PCDHGA7: variants seen among roughly 807,000 people sequenced by gnomAD.
PCDHGA7 encodes the protein protocadherin gamma subfamily A, 7, also known as protocadherin gamma-A7.
A neutral mutation model predicts 58.3 loss-of-function variants in PCDHGA7; 44 were observed. That is an observed-to-expected ratio of 0.75 (90% CI 0.59 to 0.97). The LOEUF (loss-of-function observed/expected upper bound fraction) is 0.97, where lower values mean the gene tolerates loss of function less well. Among genes scored for constraint, PCDHGA7 ranks in the 50% least tolerant of loss-of-function variants. The pLI is 0.00. For missense variants in PCDHGA7, 1,266 were observed against 1,188.7 expected, an observed-to-expected ratio of 1.06 and a Z score of -0.96; for synonymous variants, 516 against 504.2, an observed-to-expected ratio of 1.02 and a Z score of -0.31.
chr5:141,421,784 G>C, intron 1 of PCDHGA7: 1 of 1,613,874 alleles, frequency 6.2e-7, no homozygotes, highest in Non-Finnish European at 8.5e-7. Context: ...CTGCGGGGCA[G>C]AACGGATGGG....
chr5:141,420,311 T>G (rs762191274), intron 1 of PCDHGA7: 1 of 1,454,814 alleles, frequency 6.9e-7, no homozygotes, highest in Non-Finnish European at 9.3e-7. Flanking sequence ...CTTTTTATAT[T>G]ACAATATGCC....
chr5:141,471,564 T>C (rs1352708320), intron 1 of PCDHGA7: 1 of 152,184 alleles, frequency 6.6e-6, no homozygotes, highest in African/African-American at 2.4e-5. Context: ...GACTCAGGGG[T>C]AGCAGTAGAT....
In PCDHGA7 at chr5:141,481,831, G is replaced by A. The variant is rs35816779; in HGVS notation, c.2425-12976G>A. On this transcript the variant is annotated intron_variant, in intron 1 of 3. Coordinates refer to ENST00000518325, the MANE Select transcript of PCDHGA7 (RefSeq NM_018920.4). ...ACCAGGCGTGGTGGCTGAGGCAGGAGAATCGCTTGATGGTGGAGGTTGCAG... is the reference window on the plus strand; with the variant it reads ...ACCAGGCGTGGTGGCTGAGGCAGGAAAATCGCTTGATGGTGGAGGTTGCAG... Among the ~76,000 whole-genome samples the A allele has an allele frequency of 1.9e-3, 280 of 149,560 alleles. 1 individual carries two copies. The highest frequency in any genetic ancestry group is 0.01 in the Middle Eastern group (3 of 290).
chr5:141,397,919 C>G (rs1158998805), intron 1 of PCDHGA7: 2 of 723,460 alleles, frequency 2.8e-6, no homozygotes, highest in East Asian at 5.5e-5. Flanking sequence ...TCCAGATCTC[C>G]TCGCGCAGCC....
At position 141,432,963 on chromosome 5, in the gene PCDHGA7, C is replaced by T. The variant is rs1382354299; in HGVS notation, c.2424+47640C>T. 1.5e-5 allele frequency: 24 copies of T among 1,614,046 alleles called. 1 individual carries two copies. In the South Asian group the frequency reaches 2.3e-4, roughly 16 times the overall value. On this transcript the variant is annotated intron_variant, in intron 1 of 3. Transcript: ENST00000518325. The surrounding 1 kb of genome is among the most constrained non-coding windows in gnomAD (Gnocchi z 6.0). ...GCTTCAGGAGGCGGCTTGACAGGAG[C>T]GCCGGCGTCGCACTTTGTGGGCGTG...
At chr5:141,455,537 A>G (rs1158681837) in intron 1 of PCDHGA7, among the ~76,000 whole-genome samples, 2 of 152,162 alleles carry the variant, frequency 1.3e-5, no homozygotes, top group Non-Finnish European at 2.9e-5. Flanking sequence ...CAGGCATATC[A>G]TTCACGTAGC....
At chr5:141,429,297 T>C (rs985228754) in intron 1 of PCDHGA7, 7 of 152,208 alleles carry the variant, frequency 4.6e-5, no homozygotes, top group Admixed American at 3.3e-4. Flanking sequence ...GGGACATCAA[T>C]ATTTGAGTAT....
Position 141,487,925 on chromosome 5 carries a change from C to T in PCDHGA7, c.2425-6882C>T. 4.8e-6 allele frequency: 3 copies of T among 629,734 alleles called. No homozygotes were observed. The highest frequency in any genetic ancestry group is 8.3e-6 in the Non-Finnish European group (3 of 362,440). 39.0% of individuals were successfully genotyped at this position (629,734 alleles called of 1,614,324 possible). On this transcript the variant is annotated intron_variant, in intron 1 of 3. Coordinates refer to ENST00000518325, the MANE Select transcript of PCDHGA7 (RefSeq NM_018920.4). The surrounding 1 kb of genome is among the most constrained non-coding windows in gnomAD (Gnocchi z 5.0). ...TGTGGGAGCACAGGAGGCTACAGTGCACAGGGTACAGTGCACCAGGCAGTC... is the reference window on the plus strand; with the variant it reads ...TGTGGGAGCACAGGAGGCTACAGTGTACAGGGTACAGTGCACCAGGCAGTC...
chr5:141,420,488 A>C, intron 1 of PCDHGA7: 1 of 534,916 alleles, frequency 1.9e-6, no homozygotes, highest in East Asian at 3.8e-5. Context: ...CTACATGGGT[A>C]ATCTCCGGTG....
In PCDHGA7 at chr5:141,421,516, T is replaced by G. The variant is rs199973694; in HGVS notation, c.2424+36193T>G. On this transcript the variant is annotated intron_variant, in intron 1 of 3. Transcript: ENST00000518325. Reference sequence around the variant, plus strand: ...AGGCAGGATAGACCGGGAGGAGCTCTGTGAGACGGTGTCCTCCTGTTTTTT... The same window carrying G: ...AGGCAGGATAGACCGGGAGGAGCTCGGTGAGACGGTGTCCTCCTGTTTTTT... 1.4e-5 allele frequency: 22 copies of G among 1,614,064 alleles called. No homozygotes were observed. The East Asian group carries it at 4.9e-4, about 36-fold the overall frequency.
Position 141,486,734 on chromosome 5 carries a change from C to A in PCDHGA7, c.2425-8073C>A. ...CCAGACAGGAGCTGTTCATGCTACT[C>A]GATCCTTTGACTATGAGCAAACCCA... On this transcript the variant is annotated intron_variant, in intron 1 of 3. Transcript: ENST00000518325. The surrounding 1 kb of genome is among the most constrained non-coding windows in gnomAD (Gnocchi z 5.0). The A allele has an allele frequency of 1.2e-6, 2 of 1,614,188 alleles. No homozygotes were observed. Among genetic ancestry groups the A allele is most frequent in the Non-Finnish European group, 1.7e-6 (2 of 1,180,040 alleles).
chr5:141,491,006 T>C lies in PCDHGA7; in HGVS notation c.2425-3801T>C. The C allele has an allele frequency of 6.2e-7, 1 of 1,614,062 alleles. No homozygotes were observed. Among genetic ancestry groups the C allele is most frequent in the Non-Finnish European group, 8.5e-7 (1 of 1,180,028 alleles). ...CGCTCTGCTCCTCCTGGCTCCTTGG[T>C]CACCAAGGTGACAGCCGTGGATGCT... On this transcript the variant is annotated intron_variant, in intron 1 of 3. Transcript: ENST00000518325. This position sits in a 1 kb window ranked among gnomAD's most constrained non-coding sequence, Gnocchi z 6.9.
At chr5:141,478,717 C>T (rs1381812771) in intron 1 of PCDHGA7, 1 of 1,545,032 alleles carries the variant, frequency 6.5e-7, no homozygotes, top group South Asian at 1.2e-5. Context: ...GAGATGGTGG[C>T]CTGCCAGAGT....
intron 1 of PCDHGA7, among the ~76,000 whole-genome samples, chr5:141,438,370 A>G (rs2097956460): frequency 1.3e-5 from 2 of 152,004 alleles, no homozygotes; most frequent in South Asian, 4.2e-4. Context: ...CATTGAGGGC[A>G]GATATAATTT....
chr5:141,476,158 G>A lies in PCDHGA7; in HGVS notation c.2425-18649G>A. 2 of 1,612,868 alleles carry A rather than the reference G, an allele frequency of 1.2e-6. No homozygotes were observed. Among genetic ancestry groups the A allele is most frequent in the Non-Finnish European group, 1.7e-6 (2 of 1,179,894 alleles). On this transcript the variant is annotated intron_variant, in intron 1 of 3. Transcript: ENST00000518325. The surrounding 1 kb of genome is among the most constrained non-coding windows in gnomAD (Gnocchi z 7.6). ...GGAGGAGCGGACTGGTAAGCACCGGGAGGGTAGTGGGAGTTTTGCTTCTGC... is the reference window on the plus strand; with the variant it reads ...GGAGGAGCGGACTGGTAAGCACCGGAAGGGTAGTGGGAGTTTTGCTTCTGC...
In PCDHGA7 at chr5:141,392,850, C is replaced by T. The variant is rs752526573; in HGVS notation, c.2424+7527C>T. ...ACAGAGTCGCCCCAGACGCGGCGAG[C>T]TGATCCTGCTGTGCGCGCTGCTGGG... On this transcript the variant is annotated intron_variant, in intron 1 of 3. Coordinates refer to ENST00000518325, the MANE Select transcript of PCDHGA7 (RefSeq NM_018920.4). The T allele has an allele frequency of 3.1e-6, 5 of 1,610,550 alleles. No homozygotes were observed. In the African/African-American group the frequency reaches 5.3e-5, roughly 17 times the overall value.
chr5:141,485,503 C>T lies in PCDHGA7; in HGVS notation c.2425-9304C>T, dbSNP rs1057374827. The T allele has an allele frequency of 5.0e-6, 8 of 1,614,096 alleles. No homozygotes were observed. The highest frequency in any genetic ancestry group is 6.8e-6 in the Non-Finnish European group (8 of 1,180,008). On this transcript the variant is annotated intron_variant, in intron 1 of 3. Coordinates refer to ENST00000518325, the MANE Select transcript of PCDHGA7 (RefSeq NM_018920.4). This position sits in a 1 kb window ranked among gnomAD's most constrained non-coding sequence, Gnocchi z 5.7. ...GCATCGTGCCCCTGGAGTTTGTCAC[C>T]GAAGGTCCTTTGGAAATGTACCGAG...
intron 1 of PCDHGA7, among the ~76,000 whole-genome samples, chr5:141,425,111 A>G (rs2096857405): frequency 6.6e-6 from 1 of 152,144 alleles, no homozygotes; most frequent in Admixed American, 6.5e-5. Context: ...AGATGCCTAC[A>G]TTTTTCTTGA....
intron 1 of PCDHGA7, among the ~76,000 whole-genome samples, chr5:141,460,508 G>C (rs1390313220): frequency 6.6e-6 from 1 of 152,040 alleles, no homozygotes; most frequent in East Asian, 1.9e-4. Context: ...TGCTGAGAAG[G>C]CTATCTTTTC....
Sources: gnomAD v4.1 joint callset for allele counts (sites outside exome capture counted in the v4.1 genomes callset) on GRCh38, gnomAD v4.1.1 for gene constraint, Gnocchi (gnomAD v3.1) non-coding constraint, MANE v1.5 for transcripts, NCBI Gene and HGNC (gene_info 2026-07-23, HGNC 2026-07-21) for gene names.